The following TEX101 variants were observed in gnomAD, a reference collection of about 807,000 sequenced individuals.
The protein encoded by TEX101 is testis-expressed protein 101.
In TEX101, 10 loss-of-function variants were observed where a neutral mutation model predicts 18.1. That is an observed-to-expected ratio of 0.55 (90% CI 0.34 to 0.94). The LOEUF (loss-of-function observed/expected upper bound fraction) is 0.94. Ranked by LOEUF, TEX101 falls within the 40% of genes least tolerant of loss-of-function variation. The pLI, the probability that TEX101 is intolerant of heterozygous loss-of-function variation, is 0.02. For missense variants in TEX101, 259 were observed against 298.9 expected, an observed-to-expected ratio of 0.87 and a Z score of 0.98; for synonymous variants, 94 against 114.8, an observed-to-expected ratio of 0.82 and a Z score of 1.16.
chr19:43,391,284 T>C, the TEX101 span, among the ~76,000 whole-genome samples: 1 of 152,198 alleles, frequency 6.6e-6, no homozygotes, highest in Non-Finnish European at 1.5e-5. Context: ...GCTGCATCTT[T>C]TGGTGAGTCT....
At chr19:43,402,801 C>G (rs1970329384) in exon 2 of TEX101, 1 of 152,124 alleles carries the variant, frequency 6.6e-6, no homozygotes, top group East Asian at 1.9e-4. Flanking sequence ...CCAGGATGGT[C>G]TCGATCTCCT....
chr19:43,397,802 AT>A (rs1210287427), upstream of TEX101, among the ~76,000 whole-genome samples: 1 of 112,934 alleles, frequency 8.9e-6, no homozygotes, highest in Admixed American at 1.3e-4. Context: ...ATATATTTAT[AT>A]TATATAAATA....
upstream of TEX101, among the ~76,000 whole-genome samples, chr19:43,399,145 C>T (rs1183926214): frequency 6.6e-6 from 1 of 152,138 alleles, no homozygotes; most frequent in Non-Finnish European, 1.5e-5. Context: ...TCACTCTAAG[C>T]CCTCTATTCT....
At chr19:43,404,692 G>A (rs895917098) in intron 2 of TEX101, among the ~76,000 whole-genome samples, 17 of 151,410 alleles carry the variant, frequency 1.1e-4, no homozygotes, top group Non-Finnish European at 2.9e-5. Flanking sequence ...CTAATTATTT[G>A]CCTGTGTATA....
rs1008752479 is a variant in TEX101 at position 43,415,031 on chromosome 19, A to T, written c.-47A>T. The T allele has an allele frequency of 2.8e-5, 28 of 985,272 alleles. No homozygotes were observed. The African/African-American group carries it at 4.7e-4, about 17-fold the overall frequency. The allele number at this position is 985,272 out of a possible 1,614,324, so 61.0% of individuals were successfully genotyped here. ...GAAGGCTAGGGACTCAGATTCCTGG[A>T]TTCTGAGGAAAGAGAAGGCTGGGGA... On this transcript the variant is annotated 5_prime_UTR_variant, in exon 1 of 6. Transcript: ENST00000598265.
chr19:43,393,304 GC>G, the TEX101 span, among the ~76,000 whole-genome samples: 37 of 152,166 alleles, frequency 2.4e-4, no homozygotes, highest in Non-Finnish European at 4.6e-4. Flanking sequence ...GCGACCCAAT[GC>G]CCAGTGCCCC....
At chr19:43,398,483 C>A (rs1221594357), upstream of TEX101, among the ~76,000 whole-genome samples, 1 of 151,640 alleles carries the variant, frequency 6.6e-6, no homozygotes, top group East Asian at 1.9e-4. Context: ...ACCATGTTGG[C>A]CAGGATGGTC....
chr19:43,399,456 CA>C (rs1407988861), upstream of TEX101, among the ~76,000 whole-genome samples: 1 of 151,976 alleles, frequency 6.6e-6, no homozygotes, highest in Non-Finnish European at 1.5e-5. Flanking sequence ...TTAAGCATTC[CA>C]AAATGGCAAT....
intron 3 of TEX101, chr19:43,406,611 G>A: frequency 3.3e-6 from 2 of 602,568 alleles, no homozygotes; most frequent in South Asian, 2.0e-5. Context: ...TTTCGAGAGA[G>A]ACTCTGGCTT....
the TEX101 span, among the ~76,000 whole-genome samples, chr19:43,395,827 TGCTCATCTGCTA>T: frequency 6.6e-6 from 1 of 152,220 alleles, no homozygotes; most frequent in Non-Finnish European, 1.5e-5. Flanking sequence ...GTCCAGGTGT[TGCTCATCTGCTA>T]GCTCAGCTGG....
Position 43,405,894 on chromosome 19 carries a change from G to A in TEX101, c.-282-329G>A, listed in dbSNP as rs115886374. On this transcript the variant is annotated intron_variant, in intron 2 of 7. Transcript: ENST00000602198. ...CGTGCCAGTGCAATCCAGCCTGGGG[G>A]ACCCAGCAAGACTCCATCTCAAAAA... Among the ~76,000 whole-genome samples, 806 of 152,010 alleles carry A rather than the reference G, an allele frequency of 5.3e-3. 8 individuals are homozygous for A. Among genetic ancestry groups the A allele is most frequent in the African/African-American group, 0.018 (744 of 41,464 alleles).
Position 43,404,994 on chromosome 19 carries a change from A to G in TEX101, c.-282-1229A>G, listed in dbSNP as rs1568455708. ...ACGCAAAAAGTAATGAAGAGAAAAG[A>G]AAGTGGCAAATACACGTTAAAATGT... is the stretch of plus-strand genomic sequence containing the variant. On this transcript the variant is annotated intron_variant, in intron 2 of 7. Transcript: ENST00000602198. Among the ~76,000 whole-genome samples, 4 of 152,316 alleles carry G rather than the reference A, an allele frequency of 2.6e-5. No individual in the cohort carries two copies. The East Asian group carries it at 7.7e-4, about 29-fold the overall frequency.
chr19:43,415,903 C>T lies in TEX101; in HGVS notation c.-17C>T, dbSNP rs759736291. Reference sequence around the variant, plus strand: ...CAGATCCAGACCAGCTCCTCCCAGACCTCTCCAGAAGAAGCCATGGGAACC... The same window carrying T: ...CAGATCCAGACCAGCTCCTCCCAGATCTCTCCAGAAGAAGCCATGGGAACC... On this transcript the variant is annotated 5_prime_UTR_variant, in exon 2 of 6. Transcript: ENST00000598265. 63 of 1,614,042 alleles carry T rather than the reference C, an allele frequency of 3.9e-5. No homozygotes were observed. The highest frequency in any genetic ancestry group is 1.6e-4 in the Middle Eastern group (1 of 6,078).
chr19:43,410,888 AG>A (rs759891637), upstream of TEX101, among the ~76,000 whole-genome samples: 1 of 152,174 alleles, frequency 6.6e-6, no homozygotes, highest in African/African-American at 2.4e-5. Flanking sequence ...TTTTTGAGAC[AG>A]GGTCTTGCTC....
upstream of TEX101, among the ~76,000 whole-genome samples, chr19:43,400,396 AT>A (rs1970309022): frequency 6.6e-6 from 1 of 152,354 alleles, no homozygotes; most frequent in Middle Eastern, 3.4e-3. Context: ...AGTATTTCCC[AT>A]GCAAATGAAA....
chr19:43,390,460 C>CTTTTTCTTTT, the TEX101 span, among the ~76,000 whole-genome samples: 2 of 49,856 alleles, frequency 4.0e-5, no homozygotes, highest in African/African-American at 1.7e-4. Context: ...CTTTTTTTTT[C>CTTTTTCTTTT]TTTTTTTTTT....
chr19:43,392,834 G>A, the TEX101 span, among the ~76,000 whole-genome samples: 7 of 152,138 alleles, frequency 4.6e-5, no homozygotes, highest in African/African-American at 1.7e-4. Flanking sequence ...GAGACGGGTG[G>A]ATCATTTGAG....
chr19:43,407,061 A>T (rs2122327709), intron 3 of TEX101, among the ~76,000 whole-genome samples: 1 of 151,938 alleles, frequency 6.6e-6, no homozygotes, highest in South Asian at 2.1e-4. Context: ...TCAGCCTCCA[A>T]AATAAATGGG....
In TEX101 at chr19:43,418,514, A is replaced by G. The variant is rs1234295375; in HGVS notation, c.*117A>G. On this transcript the variant is annotated 3_prime_UTR_variant, in exon 6 of 6. Transcript: ENST00000598265. Reference sequence around the variant, plus strand: ...ATTTGAGGGAGAATACAGAGATACTATGAACGTATTTGACATTTTTAATAC... The same window carrying G: ...ATTTGAGGGAGAATACAGAGATACTGTGAACGTATTTGACATTTTTAATAC... 4 of 799,872 alleles carry G rather than the reference A, an allele frequency of 5.0e-6. No homozygotes were observed. The highest frequency in any genetic ancestry group is 3.4e-5 in the African/African-American group (2 of 57,996). The allele number at this position is 799,872 out of a possible 1,614,324, so 49.5% of individuals were successfully genotyped here.
Sources: gnomAD v4.1 joint callset for allele counts (sites outside exome capture counted in the v4.1 genomes callset) on GRCh38, gnomAD v4.1.1 for gene constraint, MANE v1.5 for transcripts, NCBI Gene and HGNC (gene_info 2026-07-23, HGNC 2026-07-21) for gene names.